C10orf105: variants seen among roughly 807,000 people sequenced by gnomAD.
C10orf105 encodes chromosome 10 open reading frame 105, also known as uncharacterized protein C10orf105.
In C10orf105, 2 loss-of-function variants were observed where a neutral mutation model predicts 0.6. The observed-to-expected ratio is 3.18, with a 90% CI of 1.30 to 10.01. The LOEUF (loss-of-function observed/expected upper bound fraction) is 10.01, where lower values mean the gene tolerates loss of function less well. C10orf105 is among the 30% of genes most tolerant of loss of function. The pLI is 0.04. For synonymous variants in C10orf105, 95 were observed against 82.4 expected (o/e 1.15, Z -0.83); for missense variants, 209 against 191.4 (o/e 1.09, Z -0.54).
chr10:71,734,634 C>T (rs2132832350), intron 1 of C10orf105: 1 of 1,512,210 alleles, frequency 6.6e-7, no homozygotes. Flanking sequence ...CACTCCCCTC[C>T]TGCTGCTGCC....
chr10:71,729,095 A>G (rs1866944203), intron 1 of C10orf105, among the ~76,000 whole-genome samples: 1 of 152,078 alleles, frequency 6.6e-6, no homozygotes, highest in Admixed American at 6.6e-5. Context: ...TCAACCTCCC[A>G]AATTTCTGCG....
At chr10:71,728,851 A>G (rs1301587431) in intron 1 of C10orf105, among the ~76,000 whole-genome samples, 4 of 152,036 alleles carry the variant, frequency 2.6e-5, no homozygotes, top group Admixed American at 6.6e-5. Flanking sequence ...TTACAGATGC[A>G]TGTCACCACC....
rs371932117 is a variant in C10orf105 at position 71,725,559 on chromosome 10, G to A, written c.-5-9217C>T. On this transcript the variant is annotated intron_variant, in intron 1 of 1. Coordinates refer to the C10orf105 transcript ENST00000398786. ...CGGGCTGGGGTGCTGACCTCAGGAC[G>A]GGGCCAAGCCCACAGCTAGAACAGA... 4.3e-5 allele frequency: 69 copies of A among 1,595,996 alleles called. No individual in the cohort carries two copies. In the East Asian group the frequency reaches 6.8e-4, roughly 16 times the overall value.
In C10orf105 at chr10:71,714,877, A is replaced by T. The variant is rs776201574; in HGVS notation, c.*1059T>A. 7 of 152,218 alleles carry T rather than the reference A, an allele frequency of 4.6e-5. No individual in the cohort carries two copies. Among genetic ancestry groups the T allele is most frequent in the Non-Finnish European group, 1.0e-4 (7 of 68,052 alleles). 9.4% of individuals were successfully genotyped at this position (152,218 alleles called of 1,614,324 possible). Reference sequence around the variant, plus strand: ...CAGGTCCTCCCTCTGCCCACCCTTCAAATTTGGGACCTGACCAAAGTGTTT... The same window carrying T: ...CAGGTCCTCCCTCTGCCCACCCTTCTAATTTGGGACCTGACCAAAGTGTTT... On this transcript the variant is annotated 3_prime_UTR_variant, in exon 2 of 2. Coordinates refer to ENST00000441508, the MANE Select transcript of C10orf105 (RefSeq NM_001164375.3).
At chr10:71,730,315 A>G (rs1481056454) in intron 1 of C10orf105, among the ~76,000 whole-genome samples, 1 of 152,234 alleles carries the variant, frequency 6.6e-6, no homozygotes, top group Admixed American at 6.5e-5. Context: ...GGTGGTGGTC[A>G]CAGTGACCCA....
chr10:71,731,992 G>A, intron 1 of C10orf105: 2 of 1,613,424 alleles, frequency 1.2e-6, no homozygotes, highest in Non-Finnish European at 1.7e-6. Flanking sequence ...TACAGGGGAT[G>A]GTGGCCTGGT....
At chr10:71,727,217 T>C (rs1866854851) in intron 1 of C10orf105, among the ~76,000 whole-genome samples, 1 of 152,234 alleles carries the variant, frequency 6.6e-6, no homozygotes, top group Non-Finnish European at 1.5e-5. Context: ...AGCCGACTTG[T>C]TCAGGGTCAC....
chr10:71,734,699 T>C, intron 1 of C10orf105: 2 of 1,313,584 alleles, frequency 1.5e-6, no homozygotes, highest in South Asian at 2.3e-5. Flanking sequence ...TGCTGTTGGC[T>C]GTGGCCAGTG....
rs1420554855 is a variant in C10orf105, at chr10:71,731,840, A to C, written c.-6+5888T>G. 4.0e-6 allele frequency: 3 copies of C among 751,524 alleles called. No homozygotes were observed. The Admixed American group carries it at 8.2e-5, about 20-fold the overall frequency. 46.6% of individuals were successfully genotyped at this position (751,524 alleles called of 1,614,324 possible). ...TTGACCTTAACACATCCTCTGCTGC[A>C]TCTCTGAGGATGATCCTGCCGGCAG... On this transcript the variant is annotated intron_variant, in intron 1 of 1. Transcript: ENST00000398786.
intron 1 of C10orf105, among the ~76,000 whole-genome samples, chr10:71,731,323 G>T (rs1839376688): frequency 6.6e-6 from 1 of 152,232 alleles, no homozygotes; most frequent in African/African-American, 2.4e-5. Context: ...TCCTCTCTCA[G>T]CATCCTCAGA....
intron 1 of C10orf105, chr10:71,730,409 C>A (rs1304380311): frequency 1.3e-6 from 2 of 1,588,624 alleles, no homozygotes; most frequent in East Asian, 2.2e-5. Context: ...GTGGGCCAAG[C>A]CCTGGGCTTC....
intron 1 of C10orf105, among the ~76,000 whole-genome samples, chr10:71,736,158 C>T (rs375860915): frequency 6.6e-5 from 10 of 152,358 alleles, no homozygotes; most frequent in African/African-American, 2.2e-4. Context: ...ACACTTCTGC[C>T]TGTGCCCCTG....
intron 1 of C10orf105, chr10:71,732,472 A>G (rs1839425642): frequency 1.3e-6 from 2 of 1,508,130 alleles, no homozygotes; most frequent in South Asian, 1.2e-5. Flanking sequence ...TTGTCATAAA[A>G]TGTCCTTGAG....
chr10:71,718,898 T>G (rs1866418646), intron 1 of C10orf105, among the ~76,000 whole-genome samples: 1 of 151,932 alleles, frequency 6.6e-6, no homozygotes, highest in African/African-American at 2.4e-5. Flanking sequence ...GAGTCTTCAT[T>G]TCTGAAAGAA....
At chr10:71,725,604 C>A in intron 1 of C10orf105, 1 of 1,461,212 alleles carries the variant, frequency 6.8e-7, no homozygotes, top group Middle Eastern at 2.0e-4. Flanking sequence ...TAGTTGGCGC[C>A]TGGTGTGGGC....
At chr10:71,733,414 A>C (rs752487437) in intron 1 of C10orf105, among the ~76,000 whole-genome samples, 6 of 152,328 alleles carry the variant, frequency 3.9e-5, no homozygotes, top group Non-Finnish European at 7.4e-5. Flanking sequence ...CTTCCTGGAA[A>C]GTAAAGGGTG....
At position 71,712,558 on chromosome 10, in the gene C10orf105, C is replaced by T. The variant is rs1047221124; in HGVS notation, c.*3378G>A. ...CTTGCAAAGGCTAGGGCAGATGGGG[C>T]GGAACAGGGCACCTCTCTGGCCGGT... On this transcript the variant is annotated 3_prime_UTR_variant, in exon 2 of 2. Coordinates refer to ENST00000441508, the MANE Select transcript of C10orf105 (RefSeq NM_001164375.3). 47 of 1,306,706 alleles carry T rather than the reference C, an allele frequency of 3.6e-5. No homozygotes were observed. The highest frequency in any genetic ancestry group is 5.8e-5 in the African/African-American group (4 of 68,676). The allele number at this position is 1,306,706 out of a possible 1,614,324, so 80.9% of individuals were successfully genotyped here. A position where few individuals can be genotyped will look rare whatever the true frequency, so the allele number is the denominator to read the frequency against.
chr10:71,737,204 G>A (rs978749026), intron 1 of C10orf105, among the ~76,000 whole-genome samples: 3 of 152,226 alleles, frequency 2.0e-5, no homozygotes, highest in African/African-American at 7.2e-5. Context: ...CAGATGGGTA[G>A]AGTCTTGGCA....
chr10:71,719,646 C>G lies in C10orf105; in HGVS notation c.-25G>C, dbSNP rs944157673. The G allele has an allele frequency of 1.3e-5, 2 of 152,752 alleles. No homozygotes were observed. Among genetic ancestry groups the G allele is most frequent in the African/African-American group, 4.8e-5 (2 of 41,454 alleles). The allele number at this position is 152,752 out of a possible 1,614,324, so 9.5% of individuals were successfully genotyped here. ...ACTGACCTCAGAGCCAGACCCCAGC[C>G]GTCCGGAGCTCCGTGGAGAGGTCTT... On this transcript the variant is annotated 5_prime_UTR_variant, in exon 1 of 2. Coordinates refer to ENST00000441508, the MANE Select transcript of C10orf105 (RefSeq NM_001164375.3).
Sources: allele counts gnomAD v4.1 joint callset (sites outside exome capture counted in the v4.1 genomes callset), GRCh38; gene constraint gnomAD v4.1.1; transcripts MANE v1.5; gene names NCBI Gene and HGNC (gene_info 2026-07-23, HGNC 2026-07-21).